The following NID1 variants were observed in gnomAD, a reference collection of about 807,000 sequenced individuals.
The protein encoded by NID1 is nidogen 1, also known as nidogen-1.
Under a neutral mutation model 130.6 loss-of-function variants are expected in NID1, and 76 were observed. The ratio of observed to expected loss-of-function variants is 0.58; its 90% CI spans 0.48 to 0.70. The LOEUF is 0.70. NID1 is among the 30% of genes least tolerant of loss of function. NID1 has a pLI of 0.00. For synonymous variants in NID1, 665 were observed against 675.1 expected (o/e 0.98, Z 0.23); for missense variants, 1,517 against 1,664.8 (o/e 0.91, Z 1.54).
intron 12 of NID1, among the ~76,000 whole-genome samples, chr1:235,996,927 C>G (rs975147465): frequency 2.6e-4 from 39 of 152,154 alleles, no homozygotes; most frequent in African/African-American, 8.4e-4. Flanking sequence ...CTCTGCCTCC[C>G]GGGTTCAAGC....
intron 14 of NID1, among the ~76,000 whole-genome samples, chr1:235,988,096 G>A (rs1462599538): frequency 6.6e-6 from 1 of 152,192 alleles, no homozygotes; most frequent in Non-Finnish European, 1.5e-5. Flanking sequence ...AATCAAGAGA[G>A]TGAAAAGACA....
rs377406550 is a variant in NID1, at chr1:236,064,881, C to G, written c.199G>C (p.Asp67His). The G allele has an allele frequency of 1.9e-6, 3 of 1,612,194 alleles. No homozygotes were observed. Among genetic ancestry groups the G allele is most frequent in the South Asian group, 2.2e-5 (2 of 90,924 alleles). ...TAGACTGCGTCGATGTCGGATCTGT[C>G]GTAGAAGCGGAGCGCCCCACTCAGC... ...LELSGALRFYDRSDIDAVYVT... is the reference protein window; with the variant it reads ...LELSGALRFYHRSDIDAVYVT... Residue 67 changes from aspartate to histidine, a missense_variant, in exon 1 of 20, where the codon GAC becomes CAC. By Grantham distance (81) the Asp-to-His change is moderately conservative (BLOSUM62 -1). Coordinates refer to ENST00000264187, the MANE Select transcript of NID1 (RefSeq NM_002508.3).
chr1:236,048,166 T>C (rs1385502354), intron 2 of NID1, among the ~76,000 whole-genome samples: 1 of 150,310 alleles, frequency 6.7e-6, no homozygotes, highest in Admixed American at 6.6e-5. Flanking sequence ...ACCCTGTCTC[T>C]ACTAAAAATA....
rs551543208 is a variant in NID1, at chr1:235,977,441, C to T, written c.*426G>A. ...CCAACTTTTCCTAGTCAGGCCCCGG[C>T]TCATAGGTCAAGGAGCTGACAGGAC... On this transcript the variant is annotated 3_prime_UTR_variant, in exon 20 of 20. Coordinates refer to ENST00000264187, the MANE Select transcript of NID1 (RefSeq NM_002508.3). 1 of 159,726 alleles carries T rather than the reference C, an allele frequency of 6.3e-6. No individual in the cohort carries two copies. Among genetic ancestry groups the T allele is most frequent in the Non-Finnish European group, 1.4e-5 (1 of 72,224 alleles). The allele number at this position is 159,726 out of a possible 1,614,324, so 9.9% of individuals were successfully genotyped here.
chr1:236,049,907 G>A (rs776571291), intron 1 of NID1, among the ~76,000 whole-genome samples: 26 of 151,950 alleles, frequency 1.7e-4, no homozygotes, highest in Non-Finnish European at 2.9e-4. Context: ...GCGTGATGGC[G>A]GGCACCAAAT....
intron 10 of NID1, 121 bp downstream of exon 10, chr1:236,017,027 A>AT (rs1282839553): frequency 2.4e-6 from 3 of 1,264,658 alleles, no homozygotes; most frequent in Non-Finnish European, 3.4e-6. Context: ...ATCTTTATAA[A>AT]TTGCTCTTCC....
At chr1:235,986,335 T>C (rs1383289473) in intron 14 of NID1, among the ~76,000 whole-genome samples, 1 of 152,012 alleles carries the variant, frequency 6.6e-6, no homozygotes, top group Non-Finnish European at 1.5e-5. Flanking sequence ...TAATCAAAAG[T>C]GAATCTAGCA....
At chr1:235,983,562 T>C (rs1308244504) in intron 15 of NID1, among the ~76,000 whole-genome samples, 1 of 152,068 alleles carries the variant, frequency 6.6e-6, no homozygotes, top group African/African-American at 2.4e-5. Context: ...AAACAGAGAA[T>C]ATAGGCTGCT....
chr1:235,996,433 C>A (rs999705417), intron 12 of NID1, among the ~76,000 whole-genome samples: 2 of 152,010 alleles, frequency 1.3e-5, no homozygotes, highest in African/African-American at 4.8e-5. Context: ...TTAATTCTGT[C>A]CATTTTCACT....
At chr1:236,041,212 C>CGT (rs1659440149) in intron 4 of NID1, among the ~76,000 whole-genome samples, 2 of 152,050 alleles carry the variant, frequency 1.3e-5, no homozygotes, top group Admixed American at 6.5e-5. Flanking sequence ...GGACTACAGG[C>CGT]GTGTGTCACC....
intron 4 of NID1, among the ~76,000 whole-genome samples, chr1:236,039,627 T>C (rs1378285115): frequency 6.6e-6 from 1 of 152,208 alleles, no homozygotes; most frequent in Non-Finnish European, 1.5e-5. Flanking sequence ...CAAATTAATT[T>C]GGAATGAAAT....
chr1:236,006,609 C>A (rs1280480083), intron 12 of NID1, among the ~76,000 whole-genome samples: 1 of 152,136 alleles, frequency 6.6e-6, no homozygotes, highest in African/African-American at 2.4e-5. Context: ...GAAAAATGAG[C>A]AGCACCAAAC....
At chr1:236,050,468 G>A (rs1215665779) in intron 1 of NID1, among the ~76,000 whole-genome samples, 6 of 151,844 alleles carry the variant, frequency 4.0e-5, no homozygotes, top group African/African-American at 9.7e-5. Flanking sequence ...CAGGAGAATC[G>A]CTTGAGCCTG....
chr1:236,019,868 C>T (rs1031927754), intron 9 of NID1, among the ~76,000 whole-genome samples: 1 of 151,672 alleles, frequency 6.6e-6, no homozygotes, highest in African/African-American at 2.4e-5. Context: ...ATGGTGAAAC[C>T]CCATCTCTAC....
At position 236,048,882 on chromosome 1, in the gene NID1, C is replaced by T; in HGVS notation, c.333G>A (p.Leu111=). Residue 111 remains leucine, a synonymous_variant, in exon 2 of 20, where the codon TTG becomes TTA. Coordinates refer to ENST00000264187, the MANE Select transcript of NID1 (RefSeq NM_002508.3). ...CCTTCCCCAGGCCATCGGTCGTGTCCAAGTCCGCCAGGAAAGGGGCGACTG... is the reference window on the plus strand; with the variant it reads ...CCTTCCCCAGGCCATCGGTCGTGTCTAAGTCCGCCAGGAAAGGGGCGACTG... ...FGAVAPFLAD[L]DTTDGLGKVY... The T allele has an allele frequency of 6.2e-7, 1 of 1,613,988 alleles. No individual in the cohort carries two copies. The highest frequency in any genetic ancestry group is 8.5e-7 in the Non-Finnish European group (1 of 1,180,000).
At chr1:236,021,459 C>T (rs891955990) in intron 9 of NID1, among the ~76,000 whole-genome samples, 1 of 152,232 alleles carries the variant, frequency 6.6e-6, no homozygotes, top group South Asian at 2.1e-4. Context: ...AGGCACCTTG[C>T]ATGAAAGGTT....
intron 8 of NID1, among the ~76,000 whole-genome samples, chr1:236,025,405 G>A (rs1463143701): frequency 2.0e-5 from 3 of 151,632 alleles, no homozygotes; most frequent in Non-Finnish European, 4.4e-5. Context: ...GGGATTTCAG[G>A]CACGTGCCAT....
intron 12 of NID1, among the ~76,000 whole-genome samples, chr1:236,008,194 A>G (rs1658304599): frequency 6.6e-6 from 1 of 152,246 alleles, no homozygotes; most frequent in Admixed American, 6.5e-5. Context: ...AGAAAGTGAG[A>G]ACAGCAAGCC....
At chr1:236,047,567 C>A (rs1205733805) in intron 2 of NID1, among the ~76,000 whole-genome samples, 2 of 152,122 alleles carry the variant, frequency 1.3e-5, no homozygotes, top group African/African-American at 4.8e-5. Flanking sequence ...CACGGAGAGG[C>A]CAACCCTGGG....
Sources: gnomAD v4.1 joint callset for allele counts (sites outside exome capture counted in the v4.1 genomes callset) on GRCh38, gnomAD v4.1.1 for gene constraint, MANE v1.5 for transcripts, NCBI Gene and HGNC (gene_info 2026-07-23, HGNC 2026-07-21) for gene names.